Variants in MDGA2 observed in about 807,000 individuals in gnomAD.
The protein encoded by MDGA2 is MAM domain-containing glycosylphosphatidylinositol anchor protein 2.
Under a neutral mutation model 117.8 loss-of-function variants are expected in MDGA2, and 40 were observed. The ratio of observed to expected loss-of-function variants is 0.34; its 90% confidence interval spans 0.26 to 0.44. The LOEUF (loss-of-function observed/expected upper bound fraction) is 0.44, where lower values mean the gene tolerates loss of function less well. MDGA2 is among the 20% of genes least tolerant of loss of function. The pLI is 1.00. For synonymous variants in MDGA2, 452 were observed against 439.0 expected (o/e 1.03, Z -0.37); for missense variants, 1,123 against 1,250.6 (o/e 0.90, Z 1.54).
chr14:46,922,188 A>C (rs1230068086), intron 9 of MDGA2, among the ~76,000 whole-genome samples: 1 of 152,192 alleles, frequency 6.6e-6, no homozygotes, highest in Non-Finnish European at 1.5e-5. Flanking sequence ...AAATAAGATG[A>C]ATACCAGTGA....
intron 10 of MDGA2, among the ~76,000 whole-genome samples, chr14:46,897,872 T>A (rs895322288): frequency 4.6e-5 from 7 of 151,876 alleles, no homozygotes; most frequent in African/African-American, 1.7e-4. Context: ...ACAATCTTTA[T>A]CTATTTTTGG....
At position 46,877,525 on chromosome 14, in the gene MDGA2, AAG is replaced by A; in HGVS notation, c.2417-18_2417-17del. On this transcript the variant is annotated splice_polypyrimidine_tract_variant and intron_variant, in intron 11 of 16. Transcript: ENST00000399232. ...TTTACAGGAGCTACAAGAAAAGCAA[AAG>A]AAACAAACAAACAAAAAAACAATGT... The A allele has an allele frequency of 6.6e-7, 1 of 1,517,696 alleles. No individual in the cohort carries two copies. The highest frequency in any genetic ancestry group is 1.8e-5 in the Admixed American group (1 of 55,418). 94.0% of individuals were successfully genotyped at this position (1,517,696 alleles called of 1,614,324 possible). A position where few individuals can be genotyped will look rare whatever the true frequency, so the allele number is the denominator to read the frequency against.
intron 5 of MDGA2, among the ~76,000 whole-genome samples, chr14:47,117,256 A>T (rs528507753): frequency 6.6e-6 from 1 of 152,160 alleles, no homozygotes; most frequent in Non-Finnish European, 1.5e-5. Context: ...AAGAAAGACG[A>T]TAAGTGTCAG....
chr14:46,885,750 T>C (rs1158691927), intron 10 of MDGA2, among the ~76,000 whole-genome samples: 2 of 107,112 alleles, frequency 1.9e-5, no homozygotes, highest in Non-Finnish European at 5.2e-5. Flanking sequence ...TGACTCAGCA[T>C]AAATCCCAAG....
intron 14 of MDGA2, among the ~76,000 whole-genome samples, chr14:46,860,393 A>G (rs1411095731): frequency 6.6e-6 from 1 of 152,042 alleles, no homozygotes; most frequent in Non-Finnish European, 1.5e-5. Context: ...AACTAATCGT[A>G]TATTACAGAA....
chr14:46,857,661 T>C (rs1055527390), intron 14 of MDGA2, among the ~76,000 whole-genome samples: 18 of 152,106 alleles, frequency 1.2e-4, no homozygotes, highest in African/African-American at 4.1e-4. Context: ...TTTTATCTTA[T>C]TCTTTTTTTA....
chr14:46,881,897 G>T (rs1263783632), intron 11 of MDGA2, 147 bp downstream of exon 11: 2 of 455,242 alleles, frequency 4.4e-6, no homozygotes, highest in African/African-American at 4.1e-5. Flanking sequence ...TTTTGTTTTT[G>T]TTTTTTTGTT....
intron 14 of MDGA2, among the ~76,000 whole-genome samples, chr14:46,866,488 C>T (rs552987636): frequency 4.9e-4 from 75 of 152,266 alleles, no homozygotes; most frequent in Non-Finnish European, 7.8e-4. Context: ...TGGGCAAGGA[C>T]TTCATGTCTA....
At chr14:46,919,951 A>G in intron 10 of MDGA2, 61 bp downstream of exon 10, 2 of 1,435,908 alleles carry the variant, frequency 1.4e-6, no homozygotes, top group South Asian at 1.6e-5. Flanking sequence ...TAGAAAAATG[A>G]TAACAACAAG....
rs553670833 is a variant in MDGA2, at chr14:47,354,338, T to C, written c.281-52788A>G. On this transcript the variant is annotated intron_variant, in intron 1 of 16. Transcript: ENST00000399232. ...TGAAAAAGTACCTACCTGCAACCAC[T>C]GCACATTGAGTTCTTGTTGTTTCAA... Among the ~76,000 whole-genome samples, 8 of 152,276 alleles carry C rather than the reference T, an allele frequency of 5.3e-5. No homozygotes were observed. In the South Asian group the frequency reaches 1.7e-3, roughly 32 times the overall value.
chr14:47,595,621 G>A (rs937922850), intron 1 of MDGA2, among the ~76,000 whole-genome samples: 5 of 149,922 alleles, frequency 3.3e-5, no homozygotes, highest in African/African-American at 1.2e-4. Context: ...CTGAATCGAA[G>A]TGAAGGATTC....
chr14:47,546,814 C>CT (rs986385636), intron 1 of MDGA2, among the ~76,000 whole-genome samples: 1 of 152,222 alleles, frequency 6.6e-6, no homozygotes, highest in African/African-American at 2.4e-5. Flanking sequence ...GGGTTATTCC[C>CT]TTTTTTACCT....
intron 9 of MDGA2, among the ~76,000 whole-genome samples, chr14:46,946,473 G>T (rs1885175637): frequency 6.6e-6 from 1 of 152,028 alleles, no homozygotes; most frequent in South Asian, 2.1e-4. Flanking sequence ...TATTGCACTT[G>T]AGTTGTGTTG....
At chr14:47,382,824 A>T (rs576665720) in intron 1 of MDGA2, among the ~76,000 whole-genome samples, 2 of 152,224 alleles carry the variant, frequency 1.3e-5, no homozygotes, top group Admixed American at 1.3e-4. Context: ...GAACCAGAAA[A>T]ACCATTTGAC....
intron 3 of MDGA2, among the ~76,000 whole-genome samples, chr14:47,172,919 G>T (rs889669188): frequency 7.9e-5 from 12 of 152,188 alleles, no homozygotes; most frequent in African/African-American, 1.9e-4. Flanking sequence ...TAGACGAATG[G>T]ATAACTAGAA....
intron 10 of MDGA2, among the ~76,000 whole-genome samples, chr14:46,905,215 T>C (rs1042342385): frequency 1.3e-5 from 2 of 152,156 alleles, no homozygotes; most frequent in Admixed American, 1.3e-4. Context: ...AGAAGAGGTG[T>C]GGACAGAAAG....
chr14:47,240,297 G>T (rs1886997740), intron 2 of MDGA2, among the ~76,000 whole-genome samples: 1 of 151,782 alleles, frequency 6.6e-6, no homozygotes, highest in South Asian at 2.1e-4. Context: ...ACCCACCTTG[G>T]CCTCCCAAAG....
At chr14:47,118,085 T>C (rs1881429760) in intron 5 of MDGA2, among the ~76,000 whole-genome samples, 1 of 152,192 alleles carries the variant, frequency 6.6e-6, no homozygotes, top group South Asian at 2.1e-4. Flanking sequence ...CTACAGACCT[T>C]GTAGTAGGTG....
At chr14:47,167,913 T>C (rs985020637) in intron 3 of MDGA2, among the ~76,000 whole-genome samples, 1 of 152,202 alleles carries the variant, frequency 6.6e-6, no homozygotes, top group Non-Finnish European at 1.5e-5. Context: ...CTTAATTGCA[T>C]TTCAACCACA....
Sources: gnomAD v4.1 joint callset for allele counts (sites outside exome capture counted in the v4.1 genomes callset) on GRCh38, gnomAD v4.1.1 for gene constraint, MANE v1.5 for transcripts, NCBI Gene and HGNC (gene_info 2026-07-23, HGNC 2026-07-21) for gene names.